Variants in GALNTL6 observed in about 807,000 individuals in gnomAD.
GALNTL6 encodes the protein polypeptide N-acetylgalactosaminyltransferase-like 6.
Under a neutral mutation model 73.7 loss-of-function variants are expected in GALNTL6, and 46 were observed. The observed-to-expected ratio is 0.62, with a 90% CI of 0.49 to 0.80. The LOEUF is 0.80. Among genes scored for constraint, GALNTL6 ranks in the 30% least tolerant of loss-of-function variants. The pLI is 0.00. For missense variants in GALNTL6, 604 were observed against 755.0 expected (o/e 0.80, Z 2.34); for synonymous variants, 259 against 263.7 (o/e 0.98, Z 0.17).
intron 5 of GALNTL6, among the ~76,000 whole-genome samples, chr4:172,467,632 G>A (rs1452104299): frequency 2.0e-5 from 3 of 152,128 alleles, no homozygotes; most frequent in Non-Finnish European, 4.4e-5. Flanking sequence ...ATTGGCCAAA[G>A]CATGTCATAA....
intron 5 of GALNTL6, among the ~76,000 whole-genome samples, chr4:172,525,072 CAATT>C (rs1403449481): frequency 2.0e-5 from 3 of 152,218 alleles, no homozygotes; most frequent in South Asian, 2.1e-4. Flanking sequence ...TTACATAAAT[CAATT>C]GTCTATTTCT....
At chr4:172,741,896 C>T (rs1361545925) in intron 5 of GALNTL6, among the ~76,000 whole-genome samples, 2 of 151,894 alleles carry the variant, frequency 1.3e-5, no homozygotes, top group African/African-American at 4.8e-5. Flanking sequence ...ACACAAATCC[C>T]ACCTGAACAC....
At chr4:172,019,709 T>C (rs111989582) in intron 2 of GALNTL6, among the ~76,000 whole-genome samples, 3 of 152,142 alleles carry the variant, frequency 2.0e-5, no homozygotes, top group African/African-American at 4.8e-5. Flanking sequence ...TAGACTCTGA[T>C]ACAAAAATAA....
chr4:172,754,568 A>G (rs1737631238), intron 5 of GALNTL6, among the ~76,000 whole-genome samples: 2 of 152,142 alleles, frequency 1.3e-5, no homozygotes, highest in Admixed American at 1.3e-4. Flanking sequence ...GAAAAACTCC[A>G]TCTCGAAAAT....
intron 5 of GALNTL6, among the ~76,000 whole-genome samples, chr4:172,602,135 G>A (rs1738081065): frequency 1.3e-5 from 2 of 151,866 alleles, no homozygotes; most frequent in South Asian, 2.1e-4. Context: ...AAATATGAAT[G>A]CAAAATAAAA....
chr4:172,482,668 C>T (rs998789150), intron 5 of GALNTL6, among the ~76,000 whole-genome samples: 1 of 152,206 alleles, frequency 6.6e-6, no homozygotes, highest in Non-Finnish European at 1.5e-5. Context: ...CTTTTCTTTT[C>T]AGTTTTTGGT....
chr4:171,980,234 G>A (rs1452113542), intron 2 of GALNTL6, among the ~76,000 whole-genome samples: 4 of 152,070 alleles, frequency 2.6e-5, no homozygotes, highest in Non-Finnish European at 5.9e-5. Flanking sequence ...TAGTAAACAG[G>A]GGTGGAAAAA....
intron 10 of GALNTL6, among the ~76,000 whole-genome samples, chr4:172,968,178 G>T (rs528834147): frequency 3.3e-5 from 5 of 152,184 alleles, no homozygotes; most frequent in Non-Finnish European, 7.4e-5. Flanking sequence ...GACAGCAGCA[G>T]ATCCAGTGTG....
chr4:171,985,290 A>T (rs1158013987), intron 2 of GALNTL6, among the ~76,000 whole-genome samples: 1 of 152,242 alleles, frequency 6.6e-6, no homozygotes, highest in Non-Finnish European at 1.5e-5. Context: ...ACATGGCAGC[A>T]AGCCAGAGAA....
chr4:171,832,157 A>G (rs552798859), intron 2 of GALNTL6, among the ~76,000 whole-genome samples: 6 of 151,606 alleles, frequency 4.0e-5, no homozygotes, highest in Admixed American at 6.6e-5. Flanking sequence ...GATGAAATGT[A>G]AAGATTCTAA....
intron 11 of GALNTL6, among the ~76,000 whole-genome samples, chr4:173,010,120 C>G (rs1176812218): frequency 6.6e-6 from 1 of 152,066 alleles, no homozygotes; most frequent in Non-Finnish European, 1.5e-5. Flanking sequence ...TTTTTGTACC[C>G]ATTTAGCATC....
chr4:172,844,335 C>T (rs1241143278), intron 7 of GALNTL6, among the ~76,000 whole-genome samples: 1 of 152,160 alleles, frequency 6.6e-6, no homozygotes, highest in African/African-American at 2.4e-5. Flanking sequence ...TCACAACAAC[C>T]TTCTGAAGTT....
chr4:172,477,989 C>A (rs919778535), intron 5 of GALNTL6, among the ~76,000 whole-genome samples: 42 of 152,022 alleles, frequency 2.8e-4, no homozygotes, highest in African/African-American at 9.4e-4. Flanking sequence ...AAGATAATGA[C>A]CTGGAGGTAG....
chr4:172,432,435 A>G (rs1407012040), intron 5 of GALNTL6, among the ~76,000 whole-genome samples: 1 of 152,034 alleles, frequency 6.6e-6, no homozygotes, highest in Non-Finnish European at 1.5e-5. Flanking sequence ...AAGATTTTTC[A>G]GTGTCCGAAA....
chr4:172,063,329 G>A (rs989930663), intron 2 of GALNTL6, among the ~76,000 whole-genome samples: 1 of 152,072 alleles, frequency 6.6e-6, no homozygotes, highest in East Asian at 1.9e-4. Context: ...TAAAATTAAA[G>A]GCTACCATAA....
At chr4:172,708,806 CAT>C (rs1294873661) in intron 5 of GALNTL6, among the ~76,000 whole-genome samples, 1 of 152,188 alleles carries the variant, frequency 6.6e-6, no homozygotes. Flanking sequence ...AAGCACATTA[CAT>C]GTTTGTGAAA....
chr4:172,526,773 C>T (rs567205083), intron 5 of GALNTL6, among the ~76,000 whole-genome samples: 2 of 152,262 alleles, frequency 1.3e-5, no homozygotes, highest in African/African-American at 4.8e-5. Flanking sequence ...AAGTTTATTT[C>T]CTCACCACCT....
intron 5 of GALNTL6, among the ~76,000 whole-genome samples, chr4:172,763,343 C>T (rs1480288737): frequency 6.6e-6 from 1 of 152,160 alleles, no homozygotes; most frequent in Non-Finnish European, 1.5e-5. Flanking sequence ...ATTAAAACAT[C>T]CCAGTCTTAG....
intron 5 of GALNTL6, among the ~76,000 whole-genome samples, chr4:172,741,873 A>G (rs933791481): frequency 1.3e-5 from 2 of 152,000 alleles, no homozygotes; most frequent in African/African-American, 2.4e-5. Flanking sequence ...AGAAATGACT[A>G]TTCCTCTAAA....
Sources: allele counts gnomAD v4.1 joint callset (sites outside exome capture counted in the v4.1 genomes callset), GRCh38; gene constraint gnomAD v4.1.1; transcripts MANE v1.5; gene names NCBI Gene and HGNC (gene_info 2026-07-23, HGNC 2026-07-21).